Variants in PRKN observed in about 807,000 individuals in gnomAD.
The protein encoded by PRKN is E3 ubiquitin-protein ligase parkin.
A neutral mutation model predicts 59.5 loss-of-function variants in PRKN; 56 were observed. That is an observed-to-expected ratio of 0.94 (90% CI 0.76 to 1.18). The LOEUF is 1.18. Ranked by LOEUF, PRKN falls within the 50% of genes most tolerant of loss-of-function variation. PRKN has a pLI of 0.00. For missense variants in PRKN, 657 were observed against 596.4 expected (o/e 1.10, Z -1.06); for synonymous variants, 250 against 222.1 (o/e 1.13, Z -1.12).
intron 8 of PRKN, among the ~76,000 whole-genome samples, chr6:161,558,825 G>A (rs1780343298): frequency 6.6e-6 from 1 of 151,354 alleles, no homozygotes; most frequent in Non-Finnish European, 1.5e-5. Flanking sequence ...TCATTTGCAG[G>A]TAGTTAGCCT....
In PRKN at chr6:161,567,022, G is replaced by GTTTTT. The variant is rs71917520; in HGVS notation, c.933+2328_933+2332dup. ...TCTTCCTCCAGTATTCACTGTCCTT[G>GTTTTT]TTTTTTTTTTTTTTTTGTGTGTGTG... On this transcript the variant is annotated intron_variant, in intron 8 of 11. Transcript: ENST00000366898. Among the ~76,000 whole-genome samples the GTTTTT allele has an allele frequency of 2.3e-3, 198 of 86,982 alleles. 4 individuals carry two copies. Among genetic ancestry groups the GTTTTT allele is most frequent in the African/African-American group, 5.0e-3 (100 of 19,988 alleles). 57.1% of individuals were successfully genotyped at this position (86,982 alleles called of 152,430 possible). A position where few individuals can be genotyped will look rare whatever the true frequency, so the allele number is the denominator to read the frequency against.
chr6:162,239,567 G>A (rs544078776), intron 3 of PRKN, among the ~76,000 whole-genome samples: 3 of 152,146 alleles, frequency 2.0e-5, no homozygotes, highest in South Asian at 4.2e-4. Flanking sequence ...GGCTTCGTGG[G>A]AGTTGAGGAG....
chr6:162,057,787 C>T (rs555650461), intron 4 of PRKN, among the ~76,000 whole-genome samples: 2 of 152,146 alleles, frequency 1.3e-5, no homozygotes, highest in African/African-American at 2.4e-5. Flanking sequence ...CAAAGTTAAA[C>T]GTGCTTTGTA....
At chr6:161,430,793 C>T (rs1281510409) in intron 9 of PRKN, among the ~76,000 whole-genome samples, 2 of 110,810 alleles carry the variant, frequency 1.8e-5, no homozygotes, top group Non-Finnish European at 3.4e-5. Flanking sequence ...CCAGCCTGGG[C>T]AACACAGCCA....
At chr6:161,902,754 G>A (rs371335195) in intron 6 of PRKN, among the ~76,000 whole-genome samples, 2 of 151,772 alleles carry the variant, frequency 1.3e-5, no homozygotes, top group South Asian at 2.1e-4. Flanking sequence ...ACTGAGTTTC[G>A]CCATGTTGGC....
At chr6:161,604,464 C>T (rs188357272) in intron 7 of PRKN, among the ~76,000 whole-genome samples, 9 of 152,292 alleles carry the variant, frequency 5.9e-5, no homozygotes, top group Admixed American at 1.3e-4. Context: ...CCAATCTACT[C>T]GGCTAACAAC....
At chr6:161,746,471 A>C (rs1233926808) in intron 7 of PRKN, among the ~76,000 whole-genome samples, 1 of 151,716 alleles carries the variant, frequency 6.6e-6, no homozygotes, top group Admixed American at 6.6e-5. Flanking sequence ...CATACAAAAA[A>C]AGACAAGTCA....
In PRKN at chr6:161,555,694, T is replaced by G. The variant is rs545494303; in HGVS notation, c.934-6691A>C. On this transcript the variant is annotated intron_variant, in intron 8 of 11. Transcript: ENST00000366898. ...TCTGGTGAGTGCATGAGACCTAAAG[T>G]GCTCCAAGCCCTTTAAACCTTATTA... Among the ~76,000 whole-genome samples the G allele has an allele frequency of 7.9e-5, 12 of 152,282 alleles. No individual in the cohort carries two copies. The East Asian group carries it at 1.3e-3, about 17-fold the overall frequency.
At chr6:161,989,486 C>T (rs2128257601) in intron 5 of PRKN, among the ~76,000 whole-genome samples, 1 of 152,264 alleles carries the variant, frequency 6.6e-6, no homozygotes, top group African/African-American at 2.4e-5. Context: ...CAGGTCTGCC[C>T]TGTCCTTGAT....
intron 3 of PRKN, among the ~76,000 whole-genome samples, chr6:162,252,623 C>A (rs1205022454): frequency 1.3e-5 from 2 of 151,630 alleles, no homozygotes; most frequent in Admixed American, 6.6e-5. Context: ...CTGCTGTGCT[C>A]CCTCCACCAT....
chr6:162,075,917 G>GC (rs1778804377), intron 4 of PRKN, among the ~76,000 whole-genome samples: 1 of 149,884 alleles, frequency 6.7e-6, no homozygotes, highest in African/African-American at 2.5e-5. Flanking sequence ...TCCTATTCTT[G>GC]CCCCTTACTG....
chr6:162,354,175 G>A (rs1247431316), intron 2 of PRKN, among the ~76,000 whole-genome samples: 1 of 152,090 alleles, frequency 6.6e-6, no homozygotes. Context: ...GAAGAGGAAG[G>A]TATACACACC....
intron 7 of PRKN, among the ~76,000 whole-genome samples, chr6:161,660,218 G>A (rs892857834): frequency 1.4e-4 from 22 of 152,148 alleles, no homozygotes; most frequent in African/African-American, 4.8e-4. Context: ...CTTGATTCAC[G>A]TAGTACGCAT....
chr6:162,337,393 C>T (rs1235067444), intron 2 of PRKN, among the ~76,000 whole-genome samples: 1 of 152,158 alleles, frequency 6.6e-6, no homozygotes. Flanking sequence ...CTAGACGATG[C>T]CTCATCTTTT....
At chr6:162,554,200 T>C (rs1472417950) in intron 1 of PRKN, among the ~76,000 whole-genome samples, 1 of 152,110 alleles carries the variant, frequency 6.6e-6, no homozygotes, top group Non-Finnish European at 1.5e-5. Flanking sequence ...AAATAATGAG[T>C]TGCCAAGAAA....
At chr6:161,565,009 G>T (rs776953408) in intron 8 of PRKN, among the ~76,000 whole-genome samples, 1 of 152,092 alleles carries the variant, frequency 6.6e-6, no homozygotes, top group Non-Finnish European at 1.5e-5. Flanking sequence ...CTCAAATCCC[G>T]AAAATTCTTT....
intron 5 of PRKN, among the ~76,000 whole-genome samples, chr6:162,007,548 C>T (rs900681818): frequency 1.3e-5 from 2 of 152,076 alleles, no homozygotes; most frequent in Non-Finnish European, 2.9e-5. Context: ...CAAGTCTAAA[C>T]TTTAATAGGT....
chr6:161,597,759 A>G (rs1404473713), intron 7 of PRKN, among the ~76,000 whole-genome samples: 1 of 152,164 alleles, frequency 6.6e-6, no homozygotes, highest in Admixed American at 6.5e-5. Context: ...ATACCATGGG[A>G]GATTAGTGCA....
chr6:161,648,171 G>C lies in PRKN; in HGVS notation c.872-78755C>G, dbSNP rs566783066. On this transcript the variant is annotated intron_variant, in intron 7 of 11. Transcript: ENST00000366898. ...AGCCTTGAGATGCCCAAGGACAGTG[G>C]CCAGAAGTAATTGTAGTTTTGCCTT... Among the ~76,000 whole-genome samples the C allele has an allele frequency of 3.5e-4, 54 of 152,272 alleles. 1 individual carries two copies. The highest frequency in any genetic ancestry group is 1.2e-3 in the African/African-American group (48 of 41,564).
Sources: allele counts gnomAD v4.1 joint callset (sites outside exome capture counted in the v4.1 genomes callset), GRCh38; gene constraint gnomAD v4.1.1; transcripts MANE v1.5; gene names NCBI Gene and HGNC (gene_info 2026-07-23, HGNC 2026-07-21).